Variants in EYS observed in about 807,000 individuals in gnomAD.
The protein encoded by EYS is protein eyes shut homolog.
EYS carries 250 observed loss-of-function variants against 282.1 expected under a neutral mutation model. The observed-to-expected ratio is 0.89, with a 90% CI of 0.80 to 0.98. The LOEUF is 0.98. EYS is among the 50% of genes least tolerant of loss of function. The pLI is 0.00. For missense variants in EYS, 4,016 were observed against 3,709.0 expected (o/e 1.08, Z -2.15); for synonymous variants, 1,355 against 1,282.9 (o/e 1.06, Z -1.20).
chr6:63,989,611 C>A (rs368268416), intron 34 of EYS, among the ~76,000 whole-genome samples: 5 of 150,866 alleles, frequency 3.3e-5, no homozygotes, highest in African/African-American at 1.2e-4. Context: ...TTCTTGGAGT[C>A]CATAGAAGTG....
chr6:63,796,590 C>A (rs527397655), intron 37 of EYS, among the ~76,000 whole-genome samples: 2 of 152,088 alleles, frequency 1.3e-5, no homozygotes, highest in African/African-American at 2.4e-5. Flanking sequence ...AACTATTATT[C>A]TAATATGGTA....
At chr6:64,762,170 A>G (rs918919468) in intron 22 of EYS, among the ~76,000 whole-genome samples, 2 of 152,218 alleles carry the variant, frequency 1.3e-5, no homozygotes, top group East Asian at 1.9e-4. Context: ...TCCATAGACC[A>G]TATAAAATTA....
At chr6:64,931,396 C>G (rs1026999947) in intron 15 of EYS, among the ~76,000 whole-genome samples, 1 of 152,050 alleles carries the variant, frequency 6.6e-6, no homozygotes, top group African/African-American at 2.4e-5. Flanking sequence ...TTCACTGAGA[C>G]TCCTTAAAGT....
intron 12 of EYS, among the ~76,000 whole-genome samples, chr6:65,122,444 C>T (rs1334468734): frequency 2.0e-5 from 3 of 151,922 alleles, no homozygotes; most frequent in Non-Finnish European, 4.4e-5. Context: ...TTATGAAGAG[C>T]GTGTCAATGA....
At chr6:65,269,962 C>A (rs1767853958) in intron 12 of EYS, among the ~76,000 whole-genome samples, 1 of 152,100 alleles carries the variant, frequency 6.6e-6, no homozygotes, top group African/African-American at 2.4e-5. Context: ...TTCTCACATG[C>A]AAAATATATT....
At chr6:63,831,234 A>T (rs928179928) in intron 36 of EYS, among the ~76,000 whole-genome samples, 71 of 152,238 alleles carry the variant, frequency 4.7e-4, no homozygotes, top group Non-Finnish European at 9.4e-4. Flanking sequence ...CTTAAATGTA[A>T]ATGGGCTAAA....
intron 35 of EYS, among the ~76,000 whole-genome samples, chr6:63,955,171 T>C (rs950536566): frequency 2.0e-5 from 3 of 151,284 alleles, no homozygotes; most frequent in Non-Finnish European, 4.4e-5. Flanking sequence ...CAAACATAAT[T>C]CCTTAGTTTG....
At chr6:64,674,856 A>AG (rs1769597432) in intron 22 of EYS, among the ~76,000 whole-genome samples, 1 of 152,068 alleles carries the variant, frequency 6.6e-6, no homozygotes, top group Non-Finnish European at 1.5e-5. Context: ...AATTGCTTGG[A>AG]GAAAAAAAAA....
chr6:65,329,953 T>C (rs1769735740), intron 11 of EYS: 3 of 976,182 alleles, frequency 3.1e-6, no homozygotes, highest in Admixed American at 6.2e-5. Context: ...TTTGGATATA[T>C]TTAACATTAC....
At chr6:64,343,068 T>A (rs1312869754) in intron 29 of EYS, among the ~76,000 whole-genome samples, 1 of 151,672 alleles carries the variant, frequency 6.6e-6, no homozygotes, top group African/African-American at 2.4e-5. Flanking sequence ...AGTACTTAGT[T>A]ACCTACAAAG....
intron 35 of EYS, among the ~76,000 whole-genome samples, chr6:63,958,611 T>C (rs1765920718): frequency 6.6e-6 from 1 of 152,210 alleles, no homozygotes; most frequent in Non-Finnish European, 1.5e-5. Flanking sequence ...AGCAGCCTTA[T>C]ATTGGAAGAA....
At chr6:63,999,388 C>T (rs1320083521) in intron 33 of EYS, among the ~76,000 whole-genome samples, 1 of 152,176 alleles carries the variant, frequency 6.6e-6, no homozygotes, top group Non-Finnish European at 1.5e-5. Flanking sequence ...TATTTTCCTT[C>T]TCTCCTACTG....
At chr6:65,638,198 G>T (rs1349518482) in intron 2 of EYS, among the ~76,000 whole-genome samples, 1 of 152,160 alleles carries the variant, frequency 6.6e-6, no homozygotes, top group African/African-American at 2.4e-5. Context: ...CAGGTCTCCT[G>T]GAGTGATAAG....
At chr6:64,140,286 T>C (rs1448501780) in intron 31 of EYS, among the ~76,000 whole-genome samples, 1 of 152,350 alleles carries the variant, frequency 6.6e-6, no homozygotes, top group East Asian at 1.9e-4. Context: ...TGAGAAGCCC[T>C]ATATGATTAT....
At chr6:63,829,714 G>A (rs1170297730) in intron 36 of EYS, among the ~76,000 whole-genome samples, 4 of 152,216 alleles carry the variant, frequency 2.6e-5, no homozygotes, top group Non-Finnish European at 5.9e-5. Context: ...GAAGAGAGTA[G>A]TGGTTCTCAC....
At chr6:65,366,406 C>G (rs761714733) in intron 8 of EYS, among the ~76,000 whole-genome samples, 1 of 151,746 alleles carries the variant, frequency 6.6e-6, no homozygotes, top group Non-Finnish European at 1.5e-5. Context: ...TACACTCAAT[C>G]CACTTGTATC....
At chr6:65,520,628 A>G (rs1345614291) in intron 2 of EYS, among the ~76,000 whole-genome samples, 1 of 151,998 alleles carries the variant, frequency 6.6e-6, no homozygotes, top group Non-Finnish European at 1.5e-5. Context: ...ATATGTGTGT[A>G]TATATGTATA....
intron 14 of EYS, among the ~76,000 whole-genome samples, chr6:64,950,771 TA>T (rs1197295010): frequency 1.8e-5 from 2 of 108,598 alleles, no homozygotes; most frequent in Non-Finnish European, 3.8e-5. Flanking sequence ...AGAAACTGAA[TA>T]AAAAATATAT....
chr6:64,663,582 T>C (rs901473430), intron 22 of EYS, among the ~76,000 whole-genome samples: 1 of 152,138 alleles, frequency 6.6e-6, no homozygotes, highest in African/African-American at 2.4e-5. Flanking sequence ...CCAATGTCCA[T>C]ATCAGCAAAA....
Sources: gnomAD v4.1 joint callset for allele counts (sites outside exome capture counted in the v4.1 genomes callset) on GRCh38, gnomAD v4.1.1 for gene constraint, MANE v1.5 for transcripts, NCBI Gene and HGNC (gene_info 2026-07-23, HGNC 2026-07-21) for gene names.